Variants in UGGT2 observed in about 807,000 individuals in gnomAD.
UGGT2 encodes UDP-glucose glycoprotein glucosyltransferase 2.
UGGT2 carries 180 observed loss-of-function variants against 192.1 expected under a neutral mutation model. The observed-to-expected ratio is 0.94, with a 90% CI of 0.83 to 1.06. UGGT2 has a LOEUF of 1.06. Among genes scored for constraint, UGGT2 ranks in the 50% least tolerant of loss-of-function variants. The pLI, the probability that UGGT2 is intolerant of heterozygous loss-of-function variation, is 0.00. For synonymous variants in UGGT2, 580 were observed against 591.0 expected (o/e 0.98, Z 0.27); for missense variants, 1,849 against 1,795.7 (o/e 1.03, Z -0.54).
intron 38 of UGGT2, among the ~76,000 whole-genome samples, chr13:95,804,485 A>G (rs973028081): frequency 1.6e-4 from 25 of 152,220 alleles, no homozygotes; most frequent in African/African-American, 5.8e-4. Flanking sequence ...CAGAATCACA[A>G]GGGATGCCGA....
At chr13:95,978,617 G>C (rs1448479563) in intron 10 of UGGT2, among the ~76,000 whole-genome samples, 1 of 152,134 alleles carries the variant, frequency 6.6e-6, no homozygotes, top group African/African-American at 2.4e-5. Context: ...ATGTCCTAAA[G>C]CATTTCCCCA....
At chr13:95,877,548 C>A in intron 28 of UGGT2, 150 bp downstream of exon 28, 2 of 1,058,848 alleles carry the variant, frequency 1.9e-6, no homozygotes, top group Non-Finnish European at 2.6e-6. Context: ...TGATTTTCCC[C>A]ATTTTTTATT....
intron 5 of UGGT2, among the ~76,000 whole-genome samples, chr13:95,999,791 G>C (rs1384057451): frequency 6.6e-6 from 1 of 152,058 alleles, no homozygotes; most frequent in Non-Finnish European, 1.5e-5. Context: ...AGTTAGTGCC[G>C]TGAAATACCT....
At chr13:95,942,178 T>C (rs946291331) in intron 15 of UGGT2, among the ~76,000 whole-genome samples, 5 of 151,350 alleles carry the variant, frequency 3.3e-5, no homozygotes, top group Admixed American at 6.6e-5. Context: ...CTGCTAACAA[T>C]AGCCTCCTAA....
At chr13:95,947,923 C>T (rs2049931267) in intron 14 of UGGT2, 73 bp downstream of exon 14, 16 of 1,285,840 alleles carry the variant, frequency 1.2e-5, no homozygotes, top group Non-Finnish European at 1.7e-5. Context: ...CCTATTAATA[C>T]TCTGTGTAAC....
chr13:95,860,377 A>ATG (rs1890044426), intron 32 of UGGT2, among the ~76,000 whole-genome samples: 2 of 148,984 alleles, frequency 1.3e-5, no homozygotes, highest in Admixed American at 1.3e-4. Flanking sequence ...ATATATATAT[A>ATG]TTCTTACCTA....
intron 36 of UGGT2, among the ~76,000 whole-genome samples, chr13:95,839,929 C>G (rs952184409): frequency 6.6e-6 from 1 of 152,068 alleles, no homozygotes; most frequent in African/African-American, 2.4e-5. Flanking sequence ...ATTTGTGTAT[C>G]ACAGAAGATA....
At chr13:96,048,760 C>A (rs1285185875) in intron 1 of UGGT2, among the ~76,000 whole-genome samples, 1 of 152,294 alleles carries the variant, frequency 6.6e-6, no homozygotes, top group East Asian at 1.9e-4. Flanking sequence ...TTCCTGTACA[C>A]ATACACCCTC....
At chr13:95,930,387 C>G (rs2049207523) in intron 17 of UGGT2, among the ~76,000 whole-genome samples, 2 of 151,782 alleles carry the variant, frequency 1.3e-5, no homozygotes, top group Admixed American at 1.3e-4. Context: ...TTCTAGAATT[C>G]TTATAGTTTT....
chr13:95,831,137 G>C lies in UGGT2; in HGVS notation c.4528+1790C>G, dbSNP rs532175951. Among the ~76,000 whole-genome samples, 3 of 152,082 alleles carry C rather than the reference G, an allele frequency of 2.0e-5. No individual in the cohort carries two copies. In the South Asian group the frequency reaches 6.3e-4, roughly 32 times the overall value. On this transcript the variant is annotated intron_variant, in intron 38 of 38. Coordinates refer to ENST00000376747, the MANE Select transcript of UGGT2 (RefSeq NM_020121.4). ...ACACTGGGGCTTGTTGTGGGGTGGG[G>C]GTAGGGGGTGGGATAGCATTAGGTG... is the stretch of plus-strand genomic sequence containing the variant.
intron 12 of UGGT2, among the ~76,000 whole-genome samples, chr13:95,953,812 G>C (rs1222679423): frequency 1.3e-5 from 2 of 152,108 alleles, no homozygotes; most frequent in Non-Finnish European, 1.5e-5. Flanking sequence ...TGTCAGAAGG[G>C]GGTAGTGTTT....
chr13:96,052,344 A>G (rs1394455431), intron 1 of UGGT2, among the ~76,000 whole-genome samples: 2 of 152,166 alleles, frequency 1.3e-5, no homozygotes, highest in South Asian at 2.1e-4. Flanking sequence ...GTGAGGGATA[A>G]AAGACTACAA....
intron 4 of UGGT2, 35 bp downstream of exon 4, chr13:96,022,999 TCTATAA>T (rs2052560032): frequency 6.8e-7 from 1 of 1,465,120 alleles, no homozygotes; most frequent in African/African-American, 1.4e-5. Flanking sequence ...AACTCTCCTC[TCTATAA>T]CCACTTCTTT....
intron 12 of UGGT2, among the ~76,000 whole-genome samples, chr13:95,969,723 C>G (rs971550060): frequency 2.6e-5 from 4 of 152,214 alleles, no homozygotes; most frequent in Non-Finnish European, 2.9e-5. Context: ...GGCTGTAATA[C>G]ACACACCAGA....
At chr13:96,025,314 AG>A (rs1411634652) in intron 2 of UGGT2, among the ~76,000 whole-genome samples, 1 of 152,234 alleles carries the variant, frequency 6.6e-6, no homozygotes, top group East Asian at 1.9e-4. Context: ...AGAGTGCTTG[AG>A]AAGTAATAGT....
intron 36 of UGGT2, among the ~76,000 whole-genome samples, chr13:95,841,245 A>G (rs988034948): frequency 1.3e-5 from 2 of 152,218 alleles, no homozygotes; most frequent in African/African-American, 4.8e-5. Context: ...AAATAAAAAT[A>G]AACATGCTTA....
chr13:96,022,952 A>G (rs1426850829), intron 4 of UGGT2, 88 bp downstream of exon 4: 3 of 838,284 alleles, frequency 3.6e-6, no homozygotes, highest in Non-Finnish European at 5.0e-6. Flanking sequence ...GTCTTAGAAT[A>G]TTAAATTTTT....
At chr13:95,977,581 T>C (rs924957874) in intron 10 of UGGT2, among the ~76,000 whole-genome samples, 1 of 152,136 alleles carries the variant, frequency 6.6e-6, no homozygotes, top group East Asian at 1.9e-4. Context: ...CAGGAATGCT[T>C]TTACACTATT....
chr13:96,013,213 G>A, intron 5 of UGGT2, 94 bp downstream of exon 5: 1 of 1,236,324 alleles, frequency 8.1e-7, no homozygotes, highest in Non-Finnish European at 1.1e-6. Flanking sequence ...TAACTATTCT[G>A]GTGAAAATTA....
Sources: allele counts gnomAD v4.1 joint callset (sites outside exome capture counted in the v4.1 genomes callset), GRCh38; gene constraint gnomAD v4.1.1; transcripts MANE v1.5; gene names NCBI Gene and HGNC (gene_info 2026-07-23, HGNC 2026-07-21).